SPEF2: variants seen among roughly 807,000 people sequenced by gnomAD.
The protein encoded by SPEF2 is sperm flagellar and cilia associated 2.
SPEF2 carries 187 observed loss-of-function variants against 224.6 expected under a neutral mutation model. The ratio of observed to expected loss-of-function variants is 0.83; its 90% confidence interval spans 0.74 to 0.94. The LOEUF is 0.94. SPEF2 is among the 40% of genes least tolerant of loss of function. The pLI, the probability that SPEF2 is intolerant of heterozygous loss-of-function variation, is 0.00. For missense variants in SPEF2, 2,170 were observed against 2,135.6 expected (o/e 1.02, Z -0.32); for synonymous variants, 715 against 707.3 (o/e 1.01, Z -0.17).
chr5:35,675,770 T>G (rs549492209), intron 10 of SPEF2: 1 of 348,354 alleles, frequency 2.9e-6, no homozygotes, highest in Non-Finnish European at 5.8e-6. Context: ...TGATTCTAAC[T>G]TAACAGAGCA....
chr5:35,644,393 T>C lies in SPEF2; in HGVS notation c.453T>C (p.Asn151=), dbSNP rs755895375. The change falls in exon 4 of 37, where the codon AAT becomes AAC. Residue 151 remains asparagine, a synonymous_variant. Transcript: ENST00000356031. ...RHMIPRQTDF[N]LMRITYRFQE... is the part of the protein sequence containing the mutation. ...TGATACCACGTCAAACTGATTTCAATCTGATGCGGATTACATACAGGTTTC... is the reference window on the plus strand; with the variant it reads ...TGATACCACGTCAAACTGATTTCAACCTGATGCGGATTACATACAGGTTTC... 1 of 1,604,454 alleles carries C rather than the reference T, an allele frequency of 6.2e-7. No individual in the cohort carries two copies. The highest frequency in any genetic ancestry group is 1.1e-5 in the South Asian group (1 of 88,776).
At chr5:35,654,399 A>T in intron 6 of SPEF2, 141 bp from the exon 7 acceptor site, 1 of 636,254 alleles carries the variant, frequency 1.6e-6, no homozygotes, top group South Asian at 3.7e-5. Flanking sequence ...CTGATTTCAA[A>T]TATTTTCTTC....
At chr5:35,621,807 A>G (rs1743558168) in intron 1 of SPEF2, among the ~76,000 whole-genome samples, 1 of 152,186 alleles carries the variant, frequency 6.6e-6, no homozygotes, top group African/African-American at 2.4e-5. Flanking sequence ...GTCAAAGCTA[A>G]TATGTGCTGT....
At chr5:35,763,180 A>G (rs1751574973) in intron 25 of SPEF2, among the ~76,000 whole-genome samples, 1 of 152,090 alleles carries the variant, frequency 6.6e-6, no homozygotes, top group Non-Finnish European at 1.5e-5. Flanking sequence ...CTTTTTTATT[A>G]TCCTTCATGG....
intron 10 of SPEF2, among the ~76,000 whole-genome samples, chr5:35,681,897 A>G (rs542457393): frequency 1.4e-4 from 22 of 152,328 alleles, no homozygotes; most frequent in African/African-American, 5.1e-4. Context: ...AGACCAATAA[A>G]AATGGACACA....
At chr5:35,765,499 T>A (rs2149765959) in intron 26 of SPEF2, among the ~76,000 whole-genome samples, 1 of 152,308 alleles carries the variant, frequency 6.6e-6, no homozygotes, top group African/African-American at 2.4e-5. Context: ...CTATACTTAA[T>A]ACCTCAGCTT....
chr5:35,763,634 A>G lies in SPEF2; in HGVS notation c.3733A>G (p.Asn1245Asp). Residue 1245 changes from asparagine (N) to aspartate (D), a missense_variant, in exon 26 of 37, where the codon AAC (asparagine) becomes GAC (aspartate). By Grantham distance (23) the Asn-to-Asp change is conservative (BLOSUM62 1). Transcript: ENST00000356031. ...TAACTCCCTAGAAAACGTTGAGTCC[A>G]ACTTTGAGGCCGATGAAAAGTTGGT... is the stretch of plus-strand genomic sequence containing the variant. Reference protein sequence around the residue: ...MDNSLENVESNFEADEKLVMD... With the variant: ...MDNSLENVESDFEADEKLVMD... 1.9e-6 allele frequency: 3 copies of G among 1,613,974 alleles called. No homozygotes were observed. Among genetic ancestry groups the G allele is most frequent in the Non-Finnish European group, 1.7e-6 (2 of 1,179,934 alleles).
At chr5:35,805,366 C>T (rs530532703) in intron 34 of SPEF2, among the ~76,000 whole-genome samples, 71 of 152,154 alleles carry the variant, frequency 4.7e-4, no homozygotes, top group African/African-American at 1.6e-3. Flanking sequence ...CTACCAGAGG[C>T]TTAATTTTAT....
At chr5:35,788,311 G>A (rs1755462233) in intron 30 of SPEF2, 2 of 702,844 alleles carry the variant, frequency 2.8e-6, no homozygotes, top group Non-Finnish European at 5.2e-6. Context: ...TTATTTGGAT[G>A]TGCAAATTAG....
intron 10 of SPEF2, chr5:35,675,571 T>TG (rs1360442304): frequency 1.3e-5 from 2 of 156,644 alleles, no homozygotes; most frequent in African/African-American, 2.4e-5. Flanking sequence ...CTCTCGCTCT[T>TG]GCTCTGTCGC....
chr5:35,675,182 A>G (rs1751770410), intron 10 of SPEF2, among the ~76,000 whole-genome samples: 1 of 152,198 alleles, frequency 6.6e-6, no homozygotes, highest in Non-Finnish European at 1.5e-5. Flanking sequence ...CTCTAAGGCT[A>G]TTATTCTATT....
At chr5:35,750,884 A>G (rs1317241996) in intron 23 of SPEF2, among the ~76,000 whole-genome samples, 2 of 150,360 alleles carry the variant, frequency 1.3e-5, no homozygotes. Flanking sequence ...TTTAAAAAAG[A>G]TACTTGCACA....
At chr5:35,734,584 A>G (rs1746217038) in intron 21 of SPEF2, among the ~76,000 whole-genome samples, 1 of 152,112 alleles carries the variant, frequency 6.6e-6, no homozygotes, top group Non-Finnish European at 1.5e-5. Flanking sequence ...CTTGCCCTAA[A>G]TCTTCCTTCT....
chr5:35,753,475 G>A, intron 23 of SPEF2, 149 bp from the exon 24 acceptor site: 1 of 988,304 alleles, frequency 1.0e-6, no homozygotes, highest in East Asian at 2.4e-5. Context: ...AATATTGGTT[G>A]AATGAGCACA....
intron 20 of SPEF2, among the ~76,000 whole-genome samples, chr5:35,718,678 G>C (rs920575588): frequency 3.3e-5 from 5 of 152,118 alleles, no homozygotes; most frequent in Non-Finnish European, 7.4e-5. Flanking sequence ...CAGTAGCCTT[G>C]GAGTTTCCTA....
intron 15 of SPEF2, 26 bp downstream of exon 15, chr5:35,697,819 C>A: frequency 6.6e-7 from 1 of 1,508,102 alleles, no homozygotes; most frequent in South Asian, 1.2e-5. Context: ...TTCTTCCTCT[C>A]ATCTATTTAA....
At chr5:35,798,031 G>A in intron 33 of SPEF2, among the ~76,000 whole-genome samples, 1 of 152,240 alleles carries the variant, frequency 6.6e-6, no homozygotes, top group Non-Finnish European at 1.5e-5. Context: ...AATCCTGAGA[G>A]TTCTATCTTC....
intron 3 of SPEF2, 116 bp from the exon 4 acceptor site, chr5:35,644,239 T>C (rs982452286): frequency 1.1e-6 from 1 of 880,542 alleles, no homozygotes; most frequent in Non-Finnish European, 1.6e-6. Context: ...TTAGCTTAAC[T>C]ATCAACAATA....
Position 35,773,982 on chromosome 5 carries a change from A to G in SPEF2, c.4039A>G (p.Lys1347Glu). ...CAAAAGGAAAAATGAACTGAGGGTC[A>G]AAATAAAAGAAGAACACCTTGCTGC... is the stretch of plus-strand genomic sequence containing the variant. ...EIKRKNELRVKIKEEHLAALQ... is the reference protein window; with the variant it reads ...EIKRKNELRVEIKEEHLAALQ... The change falls in exon 28 of 37, where the codon AAA (lysine) becomes GAA (glutamate). Residue 1347 changes from lysine to glutamate, a missense_variant. Lys to Glu is a moderately conservative substitution (Grantham distance 56). Coordinates refer to ENST00000356031, the MANE Select transcript of SPEF2 (RefSeq NM_024867.4). The G allele has an allele frequency of 6.2e-7, 1 of 1,613,276 alleles. No homozygotes were observed. Among genetic ancestry groups the G allele is most frequent in the Non-Finnish European group, 8.5e-7 (1 of 1,179,532 alleles).
Sources: gnomAD v4.1 joint callset for allele counts (sites outside exome capture counted in the v4.1 genomes callset) on GRCh38, gnomAD v4.1.1 for gene constraint, MANE v1.5 for transcripts, NCBI Gene and HGNC (gene_info 2026-07-23, HGNC 2026-07-21) for gene names.